The following LMO7 variants were observed in gnomAD, a reference collection of about 807,000 sequenced individuals.
LMO7 encodes the protein LIM domain only protein 7.
A neutral mutation model predicts 206.5 loss-of-function variants in LMO7; 120 were observed. The ratio of observed to expected loss-of-function variants is 0.58; its 90% CI spans 0.50 to 0.68. LMO7 has a LOEUF of 0.68. LMO7 is among the 30% of genes least tolerant of loss of function. LMO7 has a pLI of 0.00. For synonymous variants in LMO7, 706 were observed against 681.5 expected (o/e 1.04, Z -0.56); for missense variants, 1,959 against 1,957.9 (o/e 1.00, Z -0.01).
intron 3 of LMO7, among the ~76,000 whole-genome samples, chr13:75,744,076 G>T (rs1339352446): frequency 6.6e-6 from 1 of 152,148 alleles, no homozygotes; most frequent in Non-Finnish European, 1.5e-5. Flanking sequence ...AACCCGTCAT[G>T]TAAATGGCAT....
At chr13:75,633,054 C>T (rs202038018), upstream of LMO7, among the ~76,000 whole-genome samples, 52 of 151,480 alleles carry the variant, frequency 3.4e-4, 1 homozygote, top group South Asian at 6.7e-3. Flanking sequence ...TAGTAGAGAC[C>T]GGGTTTCACC....
At chr13:75,791,608 C>A (rs1566468668) in intron 4 of LMO7, among the ~76,000 whole-genome samples, 1 of 152,028 alleles carries the variant, frequency 6.6e-6, no homozygotes, top group Non-Finnish European at 1.5e-5. Context: ...TAGCAGTGAA[C>A]AAAATCACAA....
At chr13:75,779,763 A>T (rs2051038830) in intron 4 of LMO7, among the ~76,000 whole-genome samples, 1 of 152,240 alleles carries the variant, frequency 6.6e-6, no homozygotes, top group Admixed American at 6.5e-5. Context: ...TATACAAGTT[A>T]TCAGAAACAA....
Position 75,857,869 on chromosome 13 carries a change from T to C in LMO7, c.4874-52T>C, listed in dbSNP as rs140841987. ...CTGCTATGTATCCCAGATGGCAATA[T>C]TCACGTTTCTGAATCTAAGCACTTT... On this transcript the variant is annotated intron_variant, in intron 30 of 30. Coordinates refer to ENST00000377534, the MANE Select transcript of LMO7 (RefSeq NM_001306080.2). 89 of 1,348,440 alleles carry C rather than the reference T, an allele frequency of 6.6e-5. No individual in the cohort carries two copies. The East Asian group carries it at 2.1e-3, about 32-fold the overall frequency. 83.5% of individuals were successfully genotyped at this position (1,348,440 alleles called of 1,614,324 possible).
At chr13:75,726,075 T>A (rs1375371955) in intron 2 of LMO7, among the ~76,000 whole-genome samples, 1 of 151,910 alleles carries the variant, frequency 6.6e-6, no homozygotes, top group Non-Finnish European at 1.5e-5. Flanking sequence ...GCTTTCTTTT[T>A]GGAGCTCTGT....
At position 75,838,174 on chromosome 13, in the gene LMO7, G is replaced by A. The variant is rs2059282158; in HGVS notation, c.3429G>A (p.Arg1143=). 6.2e-7 allele frequency: 1 copy of A among 1,606,962 alleles called. No individual in the cohort carries two copies. The highest frequency in any genetic ancestry group is 8.5e-7 in the Non-Finnish European group (1 of 1,173,988). ...CCATTTCTTTGAAAAACTTAAAAAG[G>A]CGATCACAATTTTTTGAACAAGGTA... ...SESISLKNLK[R]RSQFFEQGSS... is the part of the protein sequence containing the mutation. Residue 1143 remains arginine, a synonymous_variant, in exon 20 of 31, where the codon AGG becomes AGA. Coordinates refer to ENST00000377534, the MANE Select transcript of LMO7 (RefSeq NM_001306080.2).
At chr13:75,734,602 G>A (rs1031154680) in intron 3 of LMO7, among the ~76,000 whole-genome samples, 2 of 152,172 alleles carry the variant, frequency 1.3e-5, no homozygotes, top group Non-Finnish European at 2.9e-5. Context: ...TTCTTGATAA[G>A]GGTGTTGGTT....
At chr13:75,633,590 T>C (rs1157719290), upstream of LMO7, among the ~76,000 whole-genome samples, 2 of 152,082 alleles carry the variant, frequency 1.3e-5, no homozygotes, top group Non-Finnish European at 2.9e-5. Flanking sequence ...GCCTGGTTTT[T>C]TCAATAAGGC....
intron 11 of LMO7, among the ~76,000 whole-genome samples, chr13:75,813,370 C>A (rs2120061): frequency 6.6e-6 from 1 of 152,086 alleles, no homozygotes; most frequent in African/African-American, 2.4e-5. Context: ...GCTACCCACA[C>A]AGCCAAATCC....
chr13:75,637,860 A>G (rs9573596), intron 1 of LMO7, among the ~76,000 whole-genome samples: 44,689 of 152,086 alleles, frequency 0.29, 6,756 homozygotes, highest in Middle Eastern at 0.34. Context: ...GGTCTAAGGA[A>G]TGAGCTTTTA....
Position 75,800,772 on chromosome 13 carries a change from C to G in LMO7, c.551C>G (p.Ala184Gly), listed in dbSNP as rs1595108871. The G allele has an allele frequency of 6.2e-7, 1 of 1,614,132 alleles. No homozygotes were observed. The highest frequency in any genetic ancestry group is 8.5e-7 in the Non-Finnish European group (1 of 1,179,972). The change falls in exon 7 of 31, where the codon GCT (alanine) becomes GGT (glycine). Residue 184 changes from alanine to glycine, a missense_variant. Transcript: ENST00000377534. ...IWCPERGEFL[A>G]PPRHHKREDS... The stretch of plus-strand genomic sequence containing the variant: ...TGTCCTGAACGTGGAGAATTTCTTG[C>G]TCCTCCAAGGCACCATAAGAGAGAA...
chr13:75,666,562 G>A (rs530159053), intron 1 of LMO7, among the ~76,000 whole-genome samples: 25 of 152,162 alleles, frequency 1.6e-4, no homozygotes, highest in African/African-American at 6.0e-4. Flanking sequence ...GGCCATTCCA[G>A]GCTTCCCCTG....
At chr13:75,701,837 C>T (rs763730558) in intron 1 of LMO7, among the ~76,000 whole-genome samples, 33 of 152,222 alleles carry the variant, frequency 2.2e-4, no homozygotes, top group African/African-American at 5.1e-4. Context: ...TATGTGTTTT[C>T]GGTGAACTTA....
intron 7 of LMO7, among the ~76,000 whole-genome samples, chr13:75,801,401 A>T (rs894988108): frequency 1.3e-5 from 2 of 152,228 alleles, no homozygotes; most frequent in Non-Finnish European, 2.9e-5. Flanking sequence ...ATTATGTTAA[A>T]CTTTGTAGAT....
chr13:75,834,898 A>G (rs1360535205), intron 17 of LMO7, among the ~76,000 whole-genome samples: 1 of 152,156 alleles, frequency 6.6e-6, no homozygotes, highest in African/African-American at 2.4e-5. Flanking sequence ...TATCAAAATA[A>G]AATATCTATC....
intron 4 of LMO7, among the ~76,000 whole-genome samples, chr13:75,790,444 A>G (rs1201361495): frequency 1.3e-5 from 2 of 152,130 alleles, no homozygotes; most frequent in African/African-American, 4.8e-5. Context: ...CAGAATTTAC[A>G]CACTGGAGGT....
intron 1 of LMO7, among the ~76,000 whole-genome samples, chr13:75,664,091 T>C (rs1272534513): frequency 1.3e-5 from 2 of 152,252 alleles, no homozygotes; most frequent in South Asian, 4.1e-4. Flanking sequence ...CTTCTTTTGA[T>C]TTTTTTGTAA....
At chr13:75,636,239 G>A (rs1593953458), upstream of LMO7, 2 of 978,480 alleles carry the variant, frequency 2.0e-6, no homozygotes. Context: ...GACGGAAGCG[G>A]CGACTCGGCG....
chr13:75,643,292 C>G (rs116728011), intron 1 of LMO7, among the ~76,000 whole-genome samples: 335 of 152,328 alleles, frequency 2.2e-3, no homozygotes, highest in African/African-American at 7.6e-3. Flanking sequence ...TAGAAACACA[C>G]TAGCTTTGTG....
Sources: allele counts gnomAD v4.1 joint callset (sites outside exome capture counted in the v4.1 genomes callset), GRCh38; gene constraint gnomAD v4.1.1; transcripts MANE v1.5; gene names NCBI Gene and HGNC (gene_info 2026-07-23, HGNC 2026-07-21).